SNN: variants seen among roughly 807,000 people sequenced by gnomAD.
SNN encodes the protein stannin, also known as AG8_1.
In SNN, 5 loss-of-function variants were observed where a neutral mutation model predicts 5.3. The observed-to-expected ratio is 0.94, with a 90% CI of 0.49 to 1.97. SNN has a LOEUF of 1.97. SNN is among the 30% of genes most tolerant of loss of function. The pLI, the probability that SNN is intolerant of heterozygous loss-of-function variation, is 0.01. For missense variants in SNN, 127 were observed against 121.6 expected (o/e 1.04, Z -0.21); for synonymous variants, 67 against 52.1 (o/e 1.29, Z -1.24).
Position 11,676,511 on chromosome 16 carries a change from C to T in SNN, c.*185C>T, listed in dbSNP as rs2050305731. On this transcript the variant is annotated 3_prime_UTR_variant, in exon 2 of 2. Coordinates refer to ENST00000329565, the MANE Select transcript of SNN (RefSeq NM_003498.6). ...GCTGTCCTGGGCTTCCCCTCGGCCT[C>T]CAGGTGAGGCTGCCCATTGCAGGCA... The T allele has an allele frequency of 2.8e-6, 2 of 703,614 alleles. No homozygotes were observed. The highest frequency in any genetic ancestry group is 2.9e-5 in the Admixed American group (1 of 33,966). 43.6% of individuals were successfully genotyped at this position (703,614 alleles called of 1,614,324 possible).
chr16:11,671,954 C>A lies in SNN; in HGVS notation c.-86+3414C>A, dbSNP rs2050268724. Among the ~76,000 whole-genome samples the A allele has an allele frequency of 6.6e-6, 1 of 152,218 alleles. No homozygotes were observed. The highest frequency in any genetic ancestry group is 1.9e-4 in the East Asian group (1 of 5,194). On this transcript the variant is annotated intron_variant, in intron 1 of 1. Coordinates refer to ENST00000329565, the MANE Select transcript of SNN (RefSeq NM_003498.6). This position sits in a 1 kb window ranked among gnomAD's most constrained non-coding sequence, Gnocchi z 4.7. ...GCCTGCCCTAATCCACTGGCACTCG[C>A]CGTTCTGTCCCCACACTAGGCCTGC...
Position 11,671,240 on chromosome 16 carries a change from G to A in SNN, c.-86+2700G>A, listed in dbSNP as rs2050264259. ...GGCCTTGGATCTTGCTTTTATAGTG[G>A]GTGGGTGGGATCCGAGAGTCAGGAC... is the stretch of plus-strand genomic sequence containing the variant. On this transcript the variant is annotated intron_variant, in intron 1 of 1. Coordinates refer to ENST00000329565, the MANE Select transcript of SNN (RefSeq NM_003498.6). The surrounding 1 kb of genome is among the most constrained non-coding windows in gnomAD (Gnocchi z 4.7). 6.6e-6 allele frequency among the ~76,000 whole-genome samples: 1 copy of A among 152,150 alleles called. No individual in the cohort carries two copies. Among genetic ancestry groups the A allele is most frequent in the African/African-American group, 2.4e-5 (1 of 41,422 alleles).
At chr16:11,673,983 C>T (rs971870960) in intron 1 of SNN, among the ~76,000 whole-genome samples, 2 of 152,202 alleles carry the variant, frequency 1.3e-5, no homozygotes, top group Non-Finnish European at 2.9e-5. Flanking sequence ...CCGGTTTCCC[C>T]GGGCCTGGTC....
Position 11,676,882 on chromosome 16 carries a change from G to A in SNN, c.*556G>A, listed in dbSNP as rs1269861030. 1.2e-5 allele frequency: 2 copies of A among 169,144 alleles called. No homozygotes were observed. The highest frequency in any genetic ancestry group is 2.9e-5 in the Non-Finnish European group (2 of 69,448). The allele number at this position is 169,144 out of a possible 1,614,324, so 10.5% of individuals were successfully genotyped here. On this transcript the variant is annotated 3_prime_UTR_variant, in exon 2 of 2. Transcript: ENST00000329565. ...AAGTGAGATGCCAATTTGGGGTCTT[G>A]AGGCTGACCAGTTGGGGTGCTTGGG... is the stretch of plus-strand genomic sequence containing the variant.
chr16:11,669,565 A>T (rs2050253035), intron 1 of SNN, among the ~76,000 whole-genome samples: 1 of 152,236 alleles, frequency 6.6e-6, no homozygotes, highest in Non-Finnish European at 1.5e-5. Flanking sequence ...AGGGAACAGT[A>T]ATAGCTCAAC....
rs555917515 is a variant in SNN at position 11,672,616 on chromosome 16, A to G, written c.-85-3359A>G. Reference sequence around the variant, plus strand: ...TTCTCAGGAAACATTTGCTGAGTGAATGAAGGAACAGATACGCACTCGGGA... The same window carrying G: ...TTCTCAGGAAACATTTGCTGAGTGAGTGAAGGAACAGATACGCACTCGGGA... On this transcript the variant is annotated intron_variant, in intron 1 of 1. Coordinates refer to ENST00000329565, the MANE Select transcript of SNN (RefSeq NM_003498.6). This position sits in a 1 kb window ranked among gnomAD's most constrained non-coding sequence, Gnocchi z 6.0. 6.6e-6 allele frequency among the ~76,000 whole-genome samples: 1 copy of G among 152,154 alleles called. No homozygotes were observed. Among genetic ancestry groups the G allele is most frequent in the Non-Finnish European group, 1.5e-5 (1 of 68,038 alleles).
In SNN at chr16:11,671,508, T is replaced by C. The variant is rs1414026871; in HGVS notation, c.-86+2968T>C. On this transcript the variant is annotated intron_variant, in intron 1 of 1. Transcript: ENST00000329565. This position sits in a 1 kb window ranked among gnomAD's most constrained non-coding sequence, Gnocchi z 4.7. ...TGGCTTTTTGCTTCACCTCCCTGCG[T>C]GCGCCTCAGTTTCCTCACCTGCCAG... is the stretch of plus-strand genomic sequence containing the variant. Among the ~76,000 whole-genome samples, 1 of 152,130 alleles carries C rather than the reference T, an allele frequency of 6.6e-6. No homozygotes were observed. The highest frequency in any genetic ancestry group is 2.4e-5 in the African/African-American group (1 of 41,440).
Position 11,676,249 on chromosome 16 carries a change from C to A in SNN, c.190C>A (p.Gln64Lys), listed in dbSNP as rs1227825883. Residue 64 changes from glutamine (Q) to lysine (K), a missense_variant, in exon 2 of 2, where the codon CAG becomes AAG. Coordinates refer to ENST00000329565, the MANE Select transcript of SNN (RefSeq NM_003498.6). ...GACCAAGGAACCCTTCCTGCTGGTG[C>A]AGTATTCGGCCAAGGGACCGTGCGT... ...GETKEPFLLV[Q>K]YSAKGPCVER... is the part of the protein sequence containing the mutation. 6.2e-7 allele frequency: 1 copy of A among 1,614,168 alleles called. No homozygotes were observed. The highest frequency in any genetic ancestry group is 8.5e-7 in the Non-Finnish European group (1 of 1,180,032).
chr16:11,675,203 A>G (rs1451684392), intron 1 of SNN, among the ~76,000 whole-genome samples: 1 of 143,992 alleles, frequency 6.9e-6, no homozygotes, highest in East Asian at 2.1e-4. Context: ...TCTGTATATG[A>G]TGTCTGTTTG....
rs1405599232 is a variant in SNN at position 11,678,196 on chromosome 16, T to C, written c.*1870T>C. 6.0e-6 allele frequency: 1 copy of C among 166,334 alleles called. No homozygotes were observed. The highest frequency in any genetic ancestry group is 1.9e-4 in the East Asian group (1 of 5,168). The allele number at this position is 166,334 out of a possible 1,614,324, so 10.3% of individuals were successfully genotyped here. On this transcript the variant is annotated 3_prime_UTR_variant, in exon 2 of 2. Transcript: ENST00000329565. The stretch of plus-strand genomic sequence containing the variant: ...CAGGCTGGGTGGGCAGGACACGTGG[T>C]GGGGGCCACTGAAACCAGGCCTAGG...
intron 1 of SNN, among the ~76,000 whole-genome samples, chr16:11,670,645 C>T (rs553098710): frequency 3.3e-5 from 5 of 152,358 alleles, no homozygotes; most frequent in Admixed American, 2.0e-4. Flanking sequence ...ATCCGCTTTG[C>T]GCATTGAGAA....
Position 11,677,074 on chromosome 16 carries a change from C to CGCGTCCTGGAGGCTGCCA in SNN, c.*756_*773dup, listed in dbSNP as rs2141942510. The CGCGTCCTGGAGGCTGCCA allele has an allele frequency of 6.0e-6, 1 of 167,248 alleles. No individual in the cohort carries two copies. Among genetic ancestry groups the CGCGTCCTGGAGGCTGCCA allele is most frequent in the African/African-American group, 2.4e-5 (1 of 41,584 alleles). 10.4% of individuals were successfully genotyped at this position (167,248 alleles called of 1,614,324 possible). ...AGCCAGTGAAGGGCGAGTCAGGGCA[C>CGCGTCCTGGAGGCTGCCA]GCGTCCTGGAGGCTGCCAGCGTCCT... is the stretch of plus-strand genomic sequence containing the variant. On this transcript the variant is annotated 3_prime_UTR_variant, in exon 2 of 2. Transcript: ENST00000329565. This position sits in a 1 kb window ranked among gnomAD's most constrained non-coding sequence, Gnocchi z 4.2.
In SNN at chr16:11,676,426, C is replaced by A; in HGVS notation, c.*100C>A. The A allele has an allele frequency of 7.2e-7, 1 of 1,385,080 alleles. No individual in the cohort carries two copies. The highest frequency in any genetic ancestry group is 2.3e-5 in the Admixed American group (1 of 43,228). 85.8% of individuals were successfully genotyped at this position (1,385,080 alleles called of 1,614,324 possible). A position where few individuals can be genotyped will look rare whatever the true frequency, so the allele number is the denominator to read the frequency against. On this transcript the variant is annotated 3_prime_UTR_variant, in exon 2 of 2. Transcript: ENST00000329565. ...GCTGCTGTCTGAGAGGAAGGGCTGACACTTGCTGGCATGGCCTCTGCGGGC... is the reference window on the plus strand; with the variant it reads ...GCTGCTGTCTGAGAGGAAGGGCTGAAACTTGCTGGCATGGCCTCTGCGGGC...
Position 11,676,160 on chromosome 16 carries a change from G to T in SNN, c.101G>T (p.Cys34Phe), listed in dbSNP as rs1392389779. The T allele has an allele frequency of 6.2e-7, 1 of 1,614,202 alleles. No individual in the cohort carries two copies. The highest frequency in any genetic ancestry group is 1.1e-5 in the South Asian group (1 of 91,084). Residue 34 changes from cysteine (C) to phenylalanine (F), a missense_variant, in exon 2 of 2, where the codon TGC becomes TTC. Cys to Phe is a radical substitution (Grantham distance 205). Coordinates refer to ENST00000329565, the MANE Select transcript of SNN (RefSeq NM_003498.6). Reference protein sequence around the residue: ...ALGALILGCWCYLRLQRISQS... With the variant: ...ALGALILGCWFYLRLQRISQS... ...GGGGCCTTGATCCTGGGCTGCTGGT[G>T]CTACCTGCGGCTGCAGCGCATCAGC...
chr16:11,670,082 G>C (rs1053123335), intron 1 of SNN, among the ~76,000 whole-genome samples: 1 of 152,168 alleles, frequency 6.6e-6, no homozygotes, highest in South Asian at 2.1e-4. Context: ...GTCCCGCCTC[G>C]TCCTGGCTGT....
chr16:11,675,258 C>CTTTTTTTTTTTTTTTTTTTTTTT (rs769141223), intron 1 of SNN, among the ~76,000 whole-genome samples: 5 of 125,310 alleles, frequency 4.0e-5, no homozygotes, highest in Non-Finnish European at 8.5e-5. Flanking sequence ...TTTTTTTTTT[C>CTTTTTTTTTTTTTTTTTTTTTTT]TTTTTTTTTT....
At position 11,676,108 on chromosome 16, in the gene SNN, G is replaced by A. The variant is rs8191328; in HGVS notation, c.49G>A (p.Val17Ile). Residue 17 changes from valine to isoleucine, a missense_variant, in exon 2 of 2, where the codon GTC becomes ATC. Val to Ile is a conservative substitution (Grantham distance 29). Transcript: ENST00000329565. ...CACCACGGGCGTGGTCACAGTCATCGTCATCCTCATTGCCATCGCGGCCCT... is the reference window on the plus strand; with the variant it reads ...CACCACGGGCGTGGTCACAGTCATCATCATCCTCATTGCCATCGCGGCCCT... ...SPTTGVVTVIVILIAIAALGA... is the reference protein window; with the variant it reads ...SPTTGVVTVIIILIAIAALGA... 52 of 1,613,864 alleles carry A rather than the reference G, an allele frequency of 3.2e-5. No individual in the cohort carries two copies. In the East Asian group the frequency reaches 7.4e-4, roughly 23 times the overall value.
Position 11,668,574 on chromosome 16 carries a change from C to A in SNN, c.-86+34C>A. On this transcript the variant is annotated intron_variant, in intron 1 of 1. Transcript: ENST00000329565. The surrounding 1 kb of genome is among the most constrained non-coding windows in gnomAD (Gnocchi z 6.8). ...GGCGGGGCAGGCCGCGCGCTCGGGC[C>A]GGGCGGGGGCGCCGGGGCCCGGGGG... is the stretch of plus-strand genomic sequence containing the variant. 7.1e-6 allele frequency: 1 copy of A among 140,024 alleles called. No homozygotes were observed. The highest frequency in any genetic ancestry group is 2.1e-4 in the South Asian group (1 of 4,838). 8.7% of individuals were successfully genotyped at this position (140,024 alleles called of 1,614,324 possible).
intron 1 of SNN, among the ~76,000 whole-genome samples, chr16:11,675,766 G>A (rs1051363120): frequency 6.6e-6 from 1 of 152,208 alleles, no homozygotes; most frequent in African/African-American, 2.4e-5. Context: ...TGCCGCCAGC[G>A]AGGGTGACTC....
Sources: allele counts gnomAD v4.1 joint callset (sites outside exome capture counted in the v4.1 genomes callset), GRCh38; gene constraint gnomAD v4.1.1; non-coding constraint Gnocchi (gnomAD v3.1); transcripts MANE v1.5; gene names NCBI Gene and HGNC (gene_info 2026-07-23, HGNC 2026-07-21).